Variants in ATG16L1 observed in about 807,000 individuals in gnomAD.
ATG16L1 encodes the protein autophagy-related protein 16-1.
A neutral mutation model predicts 88.5 loss-of-function variants in ATG16L1; 37 were observed. The observed-to-expected ratio is 0.42, with a 90% CI of 0.32 to 0.55. The LOEUF (loss-of-function observed/expected upper bound fraction) is 0.55, where lower values mean the gene tolerates loss of function less well. ATG16L1 is among the 20% of genes least tolerant of loss of function. ATG16L1 has a pLI of 0.13. For missense variants in ATG16L1, 554 were observed against 752.8 expected, an observed-to-expected ratio of 0.74 and a Z score of 3.09; for synonymous variants, 301 against 281.0, an observed-to-expected ratio of 1.07 and a Z score of -0.71.
chr2:233,251,805 G>T lies in ATG16L1; in HGVS notation c.-23G>T. The T allele has an allele frequency of 6.5e-7, 1 of 1,546,744 alleles. No individual in the cohort carries two copies. Among genetic ancestry groups the T allele is most frequent in the African/African-American group, 1.4e-5 (1 of 73,074 alleles). ...AGCCCTCGCTCGCATTGGTGGCGCTGAGGTGCCGGGGCAGCAAGTGACATG... is the reference window on the plus strand; with the variant it reads ...AGCCCTCGCTCGCATTGGTGGCGCTTAGGTGCCGGGGCAGCAAGTGACATG... On this transcript the variant is annotated 5_prime_UTR_variant, in exon 1 of 18. It removes the in-frame stop codon of an upstream open reading frame in the 5' UTR. Coordinates refer to ENST00000392017, the MANE Select transcript of ATG16L1 (RefSeq NM_030803.7).
rs138080488 is a variant in ATG16L1, at chr2:233,256,208, T to C, written c.209+13T>C. On this transcript the variant is annotated intron_variant, in intron 2 of 17. Transcript: ENST00000392017. The stretch of plus-strand genomic sequence containing the variant: ...GGCACGAGATAAGGTATTTTGAAAC[T>C]AACTTGTATTATTTATGTCTCCTCT... 5.4e-5 allele frequency: 86 copies of C among 1,602,872 alleles called. No homozygotes were observed. The East Asian group carries it at 1.9e-3, about 36-fold the overall frequency.
chr2:233,290,206 T>C, intron 13 of ATG16L1, 42 bp from the exon 14 acceptor site: 2 of 1,596,262 alleles, frequency 1.3e-6, no homozygotes, highest in Non-Finnish European at 1.7e-6. Flanking sequence ...AACAGCCACG[T>C]TGGTGCCTCT....
At chr2:233,260,949 T>G (rs1273022004) in intron 2 of ATG16L1, among the ~76,000 whole-genome samples, 1 of 152,102 alleles carries the variant, frequency 6.6e-6, no homozygotes, top group Non-Finnish European at 1.5e-5. Flanking sequence ...TTTCTTTGTG[T>G]TGTTAGTTTT....
chr2:233,276,691 G>A (rs1237360991), intron 9 of ATG16L1, among the ~76,000 whole-genome samples: 1 of 152,144 alleles, frequency 6.6e-6, no homozygotes, highest in Non-Finnish European at 1.5e-5. Context: ...TGCCCAGGCT[G>A]GTCTTGAACT....
At chr2:233,255,128 C>T (rs915184105) in intron 1 of ATG16L1, among the ~76,000 whole-genome samples, 1 of 152,112 alleles carries the variant, frequency 6.6e-6, no homozygotes, top group South Asian at 2.1e-4. Context: ...CAAGTGCCAC[C>T]GTGCCTGGCT....
chr2:233,273,208 T>G, intron 7 of ATG16L1, 156 bp downstream of exon 7: 2 of 609,886 alleles, frequency 3.3e-6, no homozygotes, highest in Non-Finnish European at 2.9e-6. Flanking sequence ...TGTCCAGTCT[T>G]TCTCAGTTCA....
At chr2:233,254,921 A>G (rs1696667600) in intron 1 of ATG16L1, among the ~76,000 whole-genome samples, 1 of 151,992 alleles carries the variant, frequency 6.6e-6, no homozygotes, top group Non-Finnish European at 1.5e-5. Context: ...ATCTGATCTT[A>G]CTGGTGCCTG....
chr2:233,282,795 A>G, intron 12 of ATG16L1, 42 bp downstream of exon 12: 1 of 1,579,590 alleles, frequency 6.3e-7, no homozygotes, highest in South Asian at 1.1e-5. Flanking sequence ...TCCAAACTTC[A>G]TGTGGTGTTA....
At chr2:233,259,065 A>G (rs1052348290) in intron 2 of ATG16L1, among the ~76,000 whole-genome samples, 10 of 152,118 alleles carry the variant, frequency 6.6e-5, no homozygotes, top group African/African-American at 2.2e-4. Flanking sequence ...CAGCAAGTTA[A>G]TCACTGAGAT....
chr2:233,284,304 C>G (rs564337807), intron 12 of ATG16L1, among the ~76,000 whole-genome samples: 1 of 151,986 alleles, frequency 6.6e-6, no homozygotes, highest in Non-Finnish European at 1.5e-5. Context: ...TCCTCCACCA[C>G]GCCCGGCTAA....
Position 233,289,408 on chromosome 2 carries a change from T to TGTGTGAGAGAGA in ATG16L1, c.1204-445_1204-444insTGTGAGAGAGAG, listed in dbSNP as rs144316394. Among the ~76,000 whole-genome samples, 1,322 of 149,634 alleles carry TGTGTGAGAGAGA rather than the reference T, an allele frequency of 8.8e-3. 23 individuals are homozygous for TGTGTGAGAGAGA. The highest frequency in any genetic ancestry group is 0.032 in the African/African-American group (1,274 of 40,230). On this transcript the variant is annotated intron_variant, in intron 12 of 17. Coordinates refer to ENST00000392017, the MANE Select transcript of ATG16L1 (RefSeq NM_030803.7). ...GTGTGTGTGTGTGTGTGTGTGTGTGTGACAGGATCTTGCTATCACTCAGGT... is the reference window on the plus strand; with the variant it reads ...GTGTGTGTGTGTGTGTGTGTGTGTGTGTGTGAGAGAGAGACAGGATCTTGCTATCACTCAGGT...
At chr2:233,252,990 T>A (rs1696488601) in intron 1 of ATG16L1, among the ~76,000 whole-genome samples, 1 of 152,174 alleles carries the variant, frequency 6.6e-6, no homozygotes, top group South Asian at 2.1e-4. Context: ...CACATTAGAA[T>A]CACCTATGGA....
rs1699510226 is a variant in ATG16L1 at position 233,292,242 on chromosome 2, T to C, written c.1545T>C (p.Ile515=). The part of the protein sequence containing the change: ...SCSRDDLLKV[I]DLRTNAIKQT... ...CCCGTGATGACTTGCTAAAAGTTAT[T>C]GATCTCCGAACAAATGCTATCAAGC... Residue 515 remains isoleucine, a synonymous_variant, in exon 15 of 18, where the codon ATT becomes ATC. Coordinates refer to ENST00000392017, the MANE Select transcript of ATG16L1 (RefSeq NM_030803.7). 1 of 1,614,254 alleles carries C rather than the reference T, an allele frequency of 6.2e-7. No individual in the cohort carries two copies. Among genetic ancestry groups the C allele is most frequent in the South Asian group, 1.1e-5 (1 of 91,092 alleles).
intron 2 of ATG16L1, among the ~76,000 whole-genome samples, chr2:233,258,996 A>G (rs1216777917): frequency 1.3e-5 from 2 of 152,124 alleles, no homozygotes; most frequent in Non-Finnish European, 2.9e-5. Context: ...CACCACACCC[A>G]GGGGGATGGT....
chr2:233,282,730 A>G lies in ATG16L1; in HGVS notation c.1180A>G (p.Thr394Ala). ...AAATGATTTTGCAAGCCGAATCTGG[A>G]CTGTGGATGATTATCGATTACGGGT... ...ASNDFASRIW[T>A]VDDYRLRHTL... Residue 394 changes from threonine (T) to alanine (A), a missense_variant, in exon 12 of 18, where the codon ACT (threonine) becomes GCT (alanine). Transcript: ENST00000392017. The G allele has an allele frequency of 6.2e-7, 1 of 1,614,090 alleles. No individual in the cohort carries two copies. The highest frequency in any genetic ancestry group is 1.1e-5 in the South Asian group (1 of 91,086).
At chr2:233,284,745 C>T (rs1698966821) in intron 12 of ATG16L1, among the ~76,000 whole-genome samples, 1 of 152,214 alleles carries the variant, frequency 6.6e-6, no homozygotes, top group African/African-American at 2.4e-5. Flanking sequence ...GCTGGGATTA[C>T]AGGCATGCAC....
chr2:233,252,047 C>G, intron 1 of ATG16L1, 105 bp downstream of exon 1: 1 of 981,812 alleles, frequency 1.0e-6, no homozygotes, highest in Non-Finnish European at 1.4e-6. Flanking sequence ...CGCCCGCACG[C>G]ATGGCGGCCG....
chr2:233,283,293 G>T (rs2125275906), intron 12 of ATG16L1, among the ~76,000 whole-genome samples: 1 of 152,184 alleles, frequency 6.6e-6, no homozygotes, highest in South Asian at 2.1e-4. Flanking sequence ...AAACTTGGTT[G>T]TATCATTTTT....
chr2:233,259,485 A>C (rs942688020), intron 2 of ATG16L1, among the ~76,000 whole-genome samples: 7 of 152,198 alleles, frequency 4.6e-5, no homozygotes, highest in African/African-American at 1.7e-4. Context: ...AGTGAGCCAC[A>C]GTCAGTTATT....
Sources: gnomAD v4.1 joint callset for allele counts (sites outside exome capture counted in the v4.1 genomes callset) on GRCh38, gnomAD v4.1.1 for gene constraint, MANE v1.5 for transcripts, NCBI Gene and HGNC (gene_info 2026-07-23, HGNC 2026-07-21) for gene names.